Variants in PHOSPHO1 observed in about 807,000 individuals in gnomAD.
The protein encoded by PHOSPHO1 is phosphoethanolamine/phosphocholine phosphatase 1, also known as phosphoethanolamine/phosphocholine phosphatase.
Under a neutral mutation model 17.7 loss-of-function variants are expected in PHOSPHO1, and 6 were observed. The ratio of observed to expected loss-of-function variants is 0.34; its 90% CI spans 0.19 to 0.67. The LOEUF (loss-of-function observed/expected upper bound fraction) is 0.67, where lower values mean the gene tolerates loss of function less well. Among genes scored for constraint, PHOSPHO1 ranks in the 30% least tolerant of loss-of-function variants. The pLI, the probability that PHOSPHO1 is intolerant of heterozygous loss-of-function variation, is 0.69. For synonymous variants in PHOSPHO1, 159 were observed against 174.6 expected (o/e 0.91, Z 0.71); for missense variants, 330 against 392.1 (o/e 0.84, Z 1.34).
At chr17:49,228,301 T>TTCCTTCC (rs1567890364) in intron 1 of PHOSPHO1, among the ~76,000 whole-genome samples, 26 of 85,942 alleles carry the variant, frequency 3.0e-4, no homozygotes, top group East Asian at 1.4e-3. Flanking sequence ...TCCTTCCTCC[T>TTCCTTCC]TCCTTCCTTC....
intron 1 of PHOSPHO1, 66 bp from the exon 2 acceptor site, chr17:49,226,824 C>G: frequency 2.0e-6 from 2 of 983,292 alleles, no homozygotes; most frequent in East Asian, 2.5e-5. Context: ...CAGGAATACC[C>G]ACCTGGCCCT....
chr17:49,228,868 G>A (rs1426332552), intron 1 of PHOSPHO1, among the ~76,000 whole-genome samples: 3 of 151,094 alleles, frequency 2.0e-5, no homozygotes, highest in South Asian at 2.1e-4. Context: ...GCTGAGGCAC[G>A]AGGATCACTT....
rs1207698873 is a variant in PHOSPHO1, at chr17:49,224,177, T to C, written c.*69A>G. The C allele has an allele frequency of 2.0e-5, 29 of 1,462,650 alleles. No homozygotes were observed. Among genetic ancestry groups the C allele is most frequent in the Non-Finnish European group, 2.3e-5 (26 of 1,111,952 alleles). 90.6% of individuals were successfully genotyped at this position (1,462,650 alleles called of 1,614,324 possible). ...AAGGGAAAAGGGAGTAGTAAAGCTG[T>C]CTTTGCCGAATCTCCCTTCCCCGCC... On this transcript the variant is annotated 3_prime_UTR_variant, in exon 3 of 3. Coordinates refer to ENST00000310544, the MANE Select transcript of PHOSPHO1 (RefSeq NM_178500.4).
chr17:49,227,210 T>C (rs897017179), intron 1 of PHOSPHO1, among the ~76,000 whole-genome samples: 1 of 152,308 alleles, frequency 6.6e-6, no homozygotes, highest in Middle Eastern at 3.4e-3. Flanking sequence ...TCATGAACGC[T>C]TGACTGCAGC....
intron 1 of PHOSPHO1, among the ~76,000 whole-genome samples, chr17:49,229,468 G>A (rs555155991): frequency 1.3e-5 from 2 of 152,204 alleles, no homozygotes; most frequent in East Asian, 3.9e-4. Flanking sequence ...TGCTTCTCCC[G>A]CCTTTCACAC....
intron 2 of PHOSPHO1, chr17:49,225,625 C>T: frequency 7.7e-7 from 1 of 1,292,668 alleles, no homozygotes; most frequent in Non-Finnish European, 1.0e-6. Context: ...TTTTAGGGCC[C>T]TGTGCTGACA....
At chr17:49,225,422 A>G in intron 2 of PHOSPHO1, 1 of 985,168 alleles carries the variant, frequency 1.0e-6, no homozygotes, top group Non-Finnish European at 1.2e-6. Flanking sequence ...GGATCAAGAA[A>G]GGGTGGTGGG....
Position 49,225,009 on chromosome 17 carries a change from G to A in PHOSPHO1, c.46-5C>T. On this transcript the variant is annotated splice_region_variant and splice_polypyrimidine_tract_variant and intron_variant, in intron 2 of 2. Transcript: ENST00000310544. ...CTGCGCGGCCATCCTGCCGTCCTGG[G>A]AGCAGGGGGGAGAGCAGCAGGAGGA... is the stretch of plus-strand genomic sequence containing the variant. 1 of 1,505,708 alleles carries A rather than the reference G, an allele frequency of 6.6e-7. No individual in the cohort carries two copies. Among genetic ancestry groups the A allele is most frequent in the Non-Finnish European group, 8.9e-7 (1 of 1,127,746 alleles). 93.3% of individuals were successfully genotyped at this position (1,505,708 alleles called of 1,614,324 possible).
Position 49,224,730 on chromosome 17 carries a change from T to A in PHOSPHO1, c.320A>T (p.Gln107Leu). ...GCAGGCGCCCTGTTTTGCCACAAACTGCAGCAGGTCGCTCATGCCTGGCGA... is the reference window on the plus strand; with the variant it reads ...GCAGGCGCCCTGTTTTGCCACAAACAGCAGCAGGTCGCTCATGCCTGGCGA... The part of the protein sequence containing the change: ...PLSPGMSDLL[Q>L]FVAKQGACFE... The change falls in exon 3 of 3, where the codon CAG becomes CTG. Residue 107 changes from glutamine (Q) to leucine (L), a missense_variant. By Grantham distance (113) the Gln-to-Leu change is moderately radical. Transcript: ENST00000310544. The A allele has an allele frequency of 6.3e-7, 1 of 1,598,846 alleles. No individual in the cohort carries two copies. The highest frequency in any genetic ancestry group is 8.5e-7 in the Non-Finnish European group (1 of 1,173,200).
intron 2 of PHOSPHO1, chr17:49,225,850 T>C (rs2043349702): frequency 1.7e-6 from 2 of 1,191,196 alleles, no homozygotes; most frequent in Non-Finnish European, 2.1e-6. Context: ...AGGGGCCAGG[T>C]AGTGGGGACT....
At chr17:49,229,746 C>T (rs2043394417) in intron 1 of PHOSPHO1, among the ~76,000 whole-genome samples, 1 of 152,210 alleles carries the variant, frequency 6.6e-6, no homozygotes. Context: ...CTAGAATTCC[C>T]TCCCTTTCCC....
Position 49,228,297 on chromosome 17 carries a change from C to CT in PHOSPHO1, c.-67-1540dup, listed in dbSNP as rs376939921. Among the ~76,000 whole-genome samples, 298 of 60,472 alleles carry CT rather than the reference C, an allele frequency of 4.9e-3. 1 individual carries two copies. Among genetic ancestry groups the CT allele is most frequent in the Middle Eastern group, 0.022 (2 of 92 alleles). The allele number at this position is 60,472 out of a possible 152,430, so 39.7% of individuals were successfully genotyped here. ...CCTTCCTTCCTTCCTTCCTTCCTTCCTCCTTCCTTCCTTCCTTCCTTCCTT... is the reference window on the plus strand; with the variant it reads ...CCTTCCTTCCTTCCTTCCTTCCTTCCTTCCTTCCTTCCTTCCTTCCTTCCTT... On this transcript the variant is annotated intron_variant, in intron 1 of 2. Transcript: ENST00000310544.
At chr17:49,226,887 C>T in intron 1 of PHOSPHO1, 129 bp from the exon 2 acceptor site, 1 of 616,220 alleles carries the variant, frequency 1.6e-6, no homozygotes, top group South Asian at 1.9e-5. Flanking sequence ...CAAAAACAAC[C>T]CCTCAAATAG....
Position 49,226,715 on chromosome 17 carries a change from C to A in PHOSPHO1, c.-24G>T. On this transcript the variant is annotated 5_prime_UTR_variant, in exon 2 of 3. Coordinates refer to ENST00000310544, the MANE Select transcript of PHOSPHO1 (RefSeq NM_178500.4). ...ATTGTCGGTGCATTACCGTGAGCAC[C>A]ACCTGTAGGGACTCTGTTGGCCTCC... 1 of 1,614,098 alleles carries A rather than the reference C, an allele frequency of 6.2e-7. No homozygotes were observed. Among genetic ancestry groups the A allele is most frequent in the Non-Finnish European group, 8.5e-7 (1 of 1,179,970 alleles).
intron 1 of PHOSPHO1, among the ~76,000 whole-genome samples, chr17:49,229,367 C>T (rs553318252): frequency 1.2e-4 from 18 of 152,292 alleles, no homozygotes; most frequent in Non-Finnish European, 2.4e-4. Flanking sequence ...GGGAGAAGGG[C>T]TTCTGGGGGG....
At chr17:49,228,901 A>C (rs1041722831) in intron 1 of PHOSPHO1, among the ~76,000 whole-genome samples, 2 of 151,792 alleles carry the variant, frequency 1.3e-5, no homozygotes, top group Non-Finnish European at 2.9e-5. Context: ...CAGAGGTTGC[A>C]GTGAGCTGTA....
chr17:49,225,178 C>T, intron 2 of PHOSPHO1, 174 bp from the exon 3 acceptor site: 1 of 1,431,420 alleles, frequency 7.0e-7, no homozygotes, highest in Non-Finnish European at 9.1e-7. Context: ...TACCCAATGC[C>T]ACCACCTCTA....
intron 1 of PHOSPHO1, among the ~76,000 whole-genome samples, chr17:49,227,050 T>C (rs546219330): frequency 6.6e-6 from 1 of 152,210 alleles, no homozygotes; most frequent in Non-Finnish European, 1.5e-5. Context: ...AGTATCATCA[T>C]TGTCCCTTAA....
At chr17:49,225,211 C>T in intron 2 of PHOSPHO1, 1 of 1,423,084 alleles carries the variant, frequency 7.0e-7, no homozygotes, top group Non-Finnish European at 9.1e-7. Context: ...CCTGACTACT[C>T]CAGTGGCACC....
Sources: allele counts gnomAD v4.1 joint callset (sites outside exome capture counted in the v4.1 genomes callset), GRCh38; gene constraint gnomAD v4.1.1; transcripts MANE v1.5; gene names NCBI Gene and HGNC (gene_info 2026-07-23, HGNC 2026-07-21).